MVB12B: variants seen among roughly 807,000 people sequenced by gnomAD.
The protein encoded by MVB12B is ESCRT-I complex subunit MVB12B.
MVB12B carries 16 observed loss-of-function variants against 41.6 expected under a neutral mutation model. The observed-to-expected ratio is 0.38, with a 90% confidence interval of 0.26 to 0.58. MVB12B has a LOEUF of 0.58. MVB12B is among the 20% of genes least tolerant of loss of function. The probability of loss-of-function intolerance (pLI) is 0.62; values close to 1 mark genes in which losing one functional copy is unlikely to be tolerated. For synonymous variants in MVB12B, 133 were observed against 139.7 expected, an observed-to-expected ratio of 0.95 and a Z score of 0.34; for missense variants, 274 against 380.2, an observed-to-expected ratio of 0.72 and a Z score of 2.32.
intron 1 of MVB12B, among the ~76,000 whole-genome samples, chr9:126,327,801 CT>C (rs369200566): frequency 6.6e-6 from 1 of 152,324 alleles, no homozygotes; most frequent in East Asian, 1.9e-4. Context: ...TTCCCTGCCC[CT>C]CAACACCTCT....
intron 9 of MVB12B, among the ~76,000 whole-genome samples, chr9:126,487,781 A>AT (rs1174769871): frequency 4.4e-4 from 66 of 149,316 alleles, no homozygotes; most frequent in Non-Finnish European, 7.4e-4. Flanking sequence ...AAAAAAAAAA[A>AT]AATAACAAAA....
chr9:126,381,184 G>A lies in MVB12B; in HGVS notation c.312+13G>A, dbSNP rs76365559. The A allele has an allele frequency of 0.015, 23,940 of 1,577,784 alleles. 214 individuals are homozygous for A. Among genetic ancestry groups the A allele is most frequent in the Non-Finnish European group, 0.018 (21,117 of 1,147,960 alleles). ...TTCCAAAGAAAATGTAAGTCTAGTCGTAGTTTCCATTTGCTGAGTGAGCAC... is the reference window on the plus strand; with the variant it reads ...TTCCAAAGAAAATGTAAGTCTAGTCATAGTTTCCATTTGCTGAGTGAGCAC... On this transcript the variant is annotated intron_variant, in intron 3 of 9. Transcript: ENST00000361171.
rs1020324205 is a variant in MVB12B, at chr9:126,436,164, T to C, written c.757+14216T>C. Reference sequence around the variant, plus strand: ...TTGCTTTTATCTTCATCTTTGAGCATAGTTTCTGGTTATTTTGCCAGGAGG... The same window carrying C: ...TTGCTTTTATCTTCATCTTTGAGCACAGTTTCTGGTTATTTTGCCAGGAGG... On this transcript the variant is annotated intron_variant, in intron 7 of 9. Transcript: ENST00000361171. This position sits in a 1 kb window ranked among gnomAD's most constrained non-coding sequence, Gnocchi z 4.1. Among the ~76,000 whole-genome samples, 16 of 152,240 alleles carry C rather than the reference T, an allele frequency of 1.1e-4. No individual in the cohort carries two copies. Among genetic ancestry groups the C allele is most frequent in the African/African-American group, 2.2e-4 (9 of 41,462 alleles).
chr9:126,466,349 C>A (rs978101031), intron 7 of MVB12B, among the ~76,000 whole-genome samples: 1 of 152,226 alleles, frequency 6.6e-6, no homozygotes, highest in African/African-American at 2.4e-5. Context: ...GGAAGTCTAA[C>A]CTGGCCTCAC....
chr9:126,372,675 A>T (rs1405243561), intron 2 of MVB12B, among the ~76,000 whole-genome samples: 1 of 152,142 alleles, frequency 6.6e-6, no homozygotes, highest in Admixed American at 6.5e-5. Context: ...TATTATTTCT[A>T]TTGTCATTTT....
intron 1 of MVB12B, among the ~76,000 whole-genome samples, chr9:126,330,304 TACAC>T (rs142849542): frequency 2.7e-5 from 4 of 148,190 alleles, no homozygotes; most frequent in Admixed American, 2.7e-4. Context: ...TTTCTTTCTT[TACAC>T]ACACACACAC....
At chr9:126,379,243 G>A (rs1239836961) in intron 2 of MVB12B, among the ~76,000 whole-genome samples, 2 of 152,202 alleles carry the variant, frequency 1.3e-5, no homozygotes, top group East Asian at 3.8e-4. Flanking sequence ...TCTTAAAATA[G>A]ATGCATGTGT....
intron 2 of MVB12B, among the ~76,000 whole-genome samples, chr9:126,370,510 T>C (rs968366455): frequency 2.0e-5 from 3 of 151,474 alleles, no homozygotes; most frequent in African/African-American, 7.3e-5. Context: ...GCCTCCCGAG[T>C]AGCTGGGATT....
chr9:126,392,242 C>G lies in MVB12B; in HGVS notation c.539+47C>G. On this transcript the variant is annotated intron_variant, in intron 5 of 9. Coordinates refer to ENST00000361171, the MANE Select transcript of MVB12B (RefSeq NM_033446.3). The surrounding 1 kb of genome is among the most constrained non-coding windows in gnomAD (Gnocchi z 4.8). ...GTCAGCTGCTTCTCTTCCCTGAGAGCACTCAGGCCACTCCAGGCAATGAGG... is the reference window on the plus strand; with the variant it reads ...GTCAGCTGCTTCTCTTCCCTGAGAGGACTCAGGCCACTCCAGGCAATGAGG... The G allele has an allele frequency of 1.2e-6, 2 of 1,606,664 alleles. No homozygotes were observed. Among genetic ancestry groups the G allele is most frequent in the Non-Finnish European group, 1.7e-6 (2 of 1,174,344 alleles).
intron 9 of MVB12B, among the ~76,000 whole-genome samples, chr9:126,496,135 T>C (rs1833823265): frequency 6.6e-6 from 1 of 151,920 alleles, no homozygotes; most frequent in Non-Finnish European, 1.5e-5. Flanking sequence ...CTCCTTTGCA[T>C]TGAGCTATGC....
chr9:126,470,298 A>G lies in MVB12B; in HGVS notation c.758-11071A>G, dbSNP rs114170114. ...ACCATGGCTCTCCGTGGTGTCTGCT[A>G]TCTCTGGTGTTGCAAGTCAAGCTCG... On this transcript the variant is annotated intron_variant, in intron 7 of 9. Coordinates refer to ENST00000361171, the MANE Select transcript of MVB12B (RefSeq NM_033446.3). 5.1e-3 allele frequency among the ~76,000 whole-genome samples: 770 copies of G among 152,212 alleles called. 12 individuals are homozygous for G. The highest frequency in any genetic ancestry group is 0.018 in the African/African-American group (737 of 41,526).
At chr9:126,416,083 C>T (rs1831814523) in intron 6 of MVB12B, among the ~76,000 whole-genome samples, 1 of 152,236 alleles carries the variant, frequency 6.6e-6, no homozygotes, top group Non-Finnish European at 1.5e-5. Flanking sequence ...GGCAGCACTT[C>T]TCAGCCGTGG....
chr9:126,409,362 T>C (rs1216324904), intron 6 of MVB12B, among the ~76,000 whole-genome samples: 1 of 150,506 alleles, frequency 6.6e-6, no homozygotes, highest in Non-Finnish European at 1.5e-5. Context: ...GGGCCTTCTT[T>C]ACACCACTCA....
chr9:126,503,111 T>C (rs535115007), intron 9 of MVB12B, 66 bp from the exon 10 acceptor site: 4 of 1,341,332 alleles, frequency 3.0e-6, no homozygotes, highest in Non-Finnish European at 4.2e-6. Context: ...GATCTGAGGC[T>C]GTGGAGGGGT....
At chr9:126,378,477 A>G (rs1403192027) in intron 2 of MVB12B, among the ~76,000 whole-genome samples, 1 of 151,826 alleles carries the variant, frequency 6.6e-6, no homozygotes, top group Non-Finnish European at 1.5e-5. Flanking sequence ...AGAGCCAGGA[A>G]CCCACATCTC....
At chr9:126,346,942 G>A (rs931324346) in intron 2 of MVB12B, among the ~76,000 whole-genome samples, 8 of 152,236 alleles carry the variant, frequency 5.3e-5, no homozygotes, top group Non-Finnish European at 1.2e-4. Flanking sequence ...GAGTGGACCT[G>A]CAAGGTAAGT....
chr9:126,419,447 G>A (rs896654192), intron 6 of MVB12B, among the ~76,000 whole-genome samples: 5 of 152,148 alleles, frequency 3.3e-5, no homozygotes, highest in South Asian at 2.1e-4. Flanking sequence ...TTTTCAACAC[G>A]CACTGGGCCG....
intron 6 of MVB12B, among the ~76,000 whole-genome samples, chr9:126,420,582 T>C (rs1222733781): frequency 1.4e-4 from 12 of 84,580 alleles, no homozygotes; most frequent in African/African-American, 4.5e-4. Context: ...TTTTTTTTTT[T>C]TTTTTTTTTT....
chr9:126,497,679 C>G (rs539825836), intron 9 of MVB12B, among the ~76,000 whole-genome samples: 4 of 149,814 alleles, frequency 2.7e-5, no homozygotes, highest in East Asian at 1.9e-4. Flanking sequence ...CCCCCAAGGC[C>G]CACCTGCTCG....
Sources: allele counts gnomAD v4.1 joint callset (sites outside exome capture counted in the v4.1 genomes callset), GRCh38; gene constraint gnomAD v4.1.1; non-coding constraint Gnocchi (gnomAD v3.1); transcripts MANE v1.5; gene names NCBI Gene and HGNC (gene_info 2026-07-23, HGNC 2026-07-21).